Variants in MBOAT1 observed in about 807,000 individuals in gnomAD.
MBOAT1 encodes membrane-bound glycerophospholipid O-acyltransferase 1.
Under a neutral mutation model 64.4 loss-of-function variants are expected in MBOAT1, and 67 were observed. That is an observed-to-expected ratio of 1.04 (90% CI 0.85 to 1.27). The LOEUF (loss-of-function observed/expected upper bound fraction) is 1.27. Among genes scored for constraint, MBOAT1 ranks in the 50% most tolerant of loss-of-function variants. The pLI is 0.00. For missense variants in MBOAT1, 563 were observed against 604.6 expected, an observed-to-expected ratio of 0.93 and a Z score of 0.72; for synonymous variants, 229 against 218.9, an observed-to-expected ratio of 1.05 and a Z score of -0.41.
At chr6:20,170,897 TGAA>T (rs1273141033) in intron 1 of MBOAT1, among the ~76,000 whole-genome samples, 2 of 33,906 alleles carry the variant, frequency 5.9e-5, no homozygotes, top group African/African-American at 1.9e-4. Flanking sequence ...ATATTCTGAA[TGAA>T]TGAATGAATG....
chr6:20,168,908 T>G (rs138529889), intron 1 of MBOAT1, among the ~76,000 whole-genome samples: 1 of 122,010 alleles, frequency 8.2e-6, no homozygotes, highest in Non-Finnish European at 1.9e-5. Flanking sequence ...CATCGGGGTT[T>G]TCCCAATGGG....
intron 1 of MBOAT1, 107 bp from the exon 2 acceptor site, chr6:20,152,876 A>G (rs1336689928): frequency 7.9e-7 from 1 of 1,272,006 alleles, no homozygotes; most frequent in Non-Finnish European, 1.1e-6. Flanking sequence ...TCTGTCGCCC[A>G]GGCTGGAGTG....
chr6:20,151,137 C>CA lies in MBOAT1; in HGVS notation c.323+47dup, dbSNP rs201328187. On this transcript the variant is annotated intron_variant, in intron 3 of 12. Coordinates refer to ENST00000324607, the MANE Select transcript of MBOAT1 (RefSeq NM_001080480.3). ...CACTGGAAATATATTTCAAAGATCACAAAAAAAAGAAAATCTCACCTTGCA... is the reference window on the plus strand; with the variant it reads ...CACTGGAAATATATTTCAAAGATCACAAAAAAAAAGAAAATCTCACCTTGCA... The CA allele has an allele frequency of 4.8e-3, 6,671 of 1,392,504 alleles. 231 individuals are homozygous for CA. In the African/African-American group the frequency reaches 0.08, roughly 17 times the overall value. 86.3% of individuals were successfully genotyped at this position (1,392,504 alleles called of 1,614,324 possible).
chr6:20,132,413 T>C (rs990018167), intron 4 of MBOAT1, among the ~76,000 whole-genome samples: 1 of 152,212 alleles, frequency 6.6e-6, no homozygotes, highest in African/African-American at 2.4e-5. Flanking sequence ...CCAACAATAA[T>C]ACCAACTTTA....
chr6:20,164,250 A>G (rs538005924), intron 1 of MBOAT1, among the ~76,000 whole-genome samples: 67 of 151,868 alleles, frequency 4.4e-4, no homozygotes, highest in Non-Finnish European at 8.7e-4. Flanking sequence ...CCTGTGGCTC[A>G]GGTCCACCCA....
chr6:20,195,832 C>T (rs931434413), intron 1 of MBOAT1, among the ~76,000 whole-genome samples: 3 of 152,036 alleles, frequency 2.0e-5, no homozygotes, highest in African/African-American at 7.2e-5. Context: ...ACAAGCACGC[C>T]TGGAGCTGGC....
At chr6:20,109,973 A>C (rs2876532) in intron 11 of MBOAT1, among the ~76,000 whole-genome samples, 3 of 143,364 alleles carry the variant, frequency 2.1e-5, no homozygotes, top group African/African-American at 7.9e-5. Flanking sequence ...GCAGTGGCGC[A>C]ATCTCAGCTC....
At chr6:20,118,016 A>G (rs746903530) in intron 9 of MBOAT1, among the ~76,000 whole-genome samples, 17 of 152,204 alleles carry the variant, frequency 1.1e-4, no homozygotes, top group Non-Finnish European at 2.4e-4. Context: ...TGGATTATAA[A>G]TGCCTCCAAA....
chr6:20,193,286 G>C (rs978157181), intron 1 of MBOAT1, among the ~76,000 whole-genome samples: 3 of 152,082 alleles, frequency 2.0e-5, no homozygotes, highest in Admixed American at 6.6e-5. Context: ...GATTACAGGC[G>C]TGAGCCACCG....
chr6:20,121,752 G>A (rs1035894219), intron 8 of MBOAT1, among the ~76,000 whole-genome samples: 1 of 152,158 alleles, frequency 6.6e-6, no homozygotes, highest in African/African-American at 2.4e-5. Context: ...AAGAGAAAAG[G>A]AAGGTGGGTG....
chr6:20,102,297 T>A lies in MBOAT1; in HGVS notation c.1477A>T (p.Lys493Ter). Reference protein sequence around the residue: ...PQTLNSINKRKTD With the variant: ...PQTLNSINKR ...TTCTCTTGGAGGTATCAATCTGTTT[T>A]TCTCTTATTAATAGAGTTCAGAGTC... Residue 493 changes from lysine to a stop codon, truncating the protein, a stop_gained, in exon 13 of 13, where the codon AAA becomes TAA. Coordinates refer to ENST00000324607, the MANE Select transcript of MBOAT1 (RefSeq NM_001080480.3). LOFTEE classifies it high-confidence loss of function. 1 of 1,613,418 alleles carries A rather than the reference T, an allele frequency of 6.2e-7. No individual in the cohort carries two copies. The highest frequency in any genetic ancestry group is 8.5e-7 in the Non-Finnish European group (1 of 1,179,798).
chr6:20,109,590 A>C lies in MBOAT1; in HGVS notation c.1361+8T>G, dbSNP rs200856450. ...ACGAGATGGCAACTGAGAACAACGG[A>C]AACTTACTTGTATAAGCTGATGGTC... On this transcript the variant is annotated splice_region_variant and intron_variant, in intron 12 of 12. Transcript: ENST00000324607. 4.0e-5 allele frequency: 64 copies of C among 1,605,960 alleles called. 1 individual carries two copies. The South Asian group carries it at 6.4e-4, about 16-fold the overall frequency.
intron 3 of MBOAT1, among the ~76,000 whole-genome samples, chr6:20,149,671 G>A (rs1033433195): frequency 1.3e-5 from 2 of 152,106 alleles, no homozygotes; most frequent in African/African-American, 2.4e-5. Flanking sequence ...GAGATGATTA[G>A]AATTCGAATT....
chr6:20,183,757 C>T (rs920412183), intron 1 of MBOAT1, among the ~76,000 whole-genome samples: 1 of 152,188 alleles, frequency 6.6e-6, no homozygotes, highest in Admixed American at 6.5e-5. Context: ...ATTGATATCT[C>T]TTTGTATTAG....
chr6:20,159,655 G>C (rs962556823), intron 1 of MBOAT1, among the ~76,000 whole-genome samples: 14 of 152,254 alleles, frequency 9.2e-5, no homozygotes, highest in African/African-American at 2.9e-4. Context: ...GGGAGACATT[G>C]ATCAATGGGT....
At chr6:20,179,327 C>T (rs1299449771) in intron 1 of MBOAT1, among the ~76,000 whole-genome samples, 1 of 152,092 alleles carries the variant, frequency 6.6e-6, no homozygotes, top group African/African-American at 2.4e-5. Flanking sequence ...GAATTAAGCC[C>T]CATTGTGTGC....
chr6:20,206,370 C>T (rs561602080), intron 1 of MBOAT1, among the ~76,000 whole-genome samples: 19 of 152,258 alleles, frequency 1.2e-4, no homozygotes, highest in Admixed American at 1.1e-3. Context: ...GATGGGGTTT[C>T]GCCATGTTGG....
intron 1 of MBOAT1, among the ~76,000 whole-genome samples, chr6:20,176,417 T>C (rs528283899): frequency 1.3e-5 from 2 of 152,332 alleles, no homozygotes; most frequent in African/African-American, 2.4e-5. Flanking sequence ...GTCATGGCTA[T>C]GAGCACAGGA....
intron 8 of MBOAT1, among the ~76,000 whole-genome samples, chr6:20,121,491 G>A (rs1039271682): frequency 5.9e-5 from 9 of 152,166 alleles, no homozygotes; most frequent in African/African-American, 2.2e-4. Context: ...AGTCCACAGA[G>A]AAAGCTCTCC....
Sources: gnomAD v4.1 joint callset for allele counts (sites outside exome capture counted in the v4.1 genomes callset) on GRCh38, gnomAD v4.1.1 for gene constraint, MANE v1.5 for transcripts, NCBI Gene and HGNC (gene_info 2026-07-23, HGNC 2026-07-21) for gene names.